The following SYTL2 variants were observed in gnomAD, a reference collection of about 807,000 sequenced individuals.
SYTL2 encodes synaptotagmin like 2, also known as synaptotagmin-like protein 2.
Under a neutral mutation model 198.7 loss-of-function variants are expected in SYTL2, and 165 were observed. That is an observed-to-expected ratio of 0.83 (90% CI 0.73 to 0.94). The LOEUF is 0.94. Ranked by LOEUF, SYTL2 falls within the 40% of genes least tolerant of loss-of-function variation. The pLI is 0.00. For synonymous variants in SYTL2, 966 were observed against 917.7 expected, an observed-to-expected ratio of 1.05 and a Z score of -0.95; for missense variants, 2,835 against 2,582.8, an observed-to-expected ratio of 1.10 and a Z score of -2.12.
chr11:85,835,452 C>T, the SYTL2 span, among the ~76,000 whole-genome samples: 1 of 152,266 alleles, frequency 6.6e-6, no homozygotes, highest in African/African-American at 2.4e-5. Context: ...AGGTAGTATA[C>T]TATGATTATT....
chr11:85,843,558 G>C, the SYTL2 span, among the ~76,000 whole-genome samples: 1 of 152,034 alleles, frequency 6.6e-6, no homozygotes, highest in Non-Finnish European at 1.5e-5. Flanking sequence ...CTGATGCTGA[G>C]TGTGTGTGTG....
At chr11:85,840,211 G>C in the SYTL2 span, among the ~76,000 whole-genome samples, 2 of 152,056 alleles carry the variant, frequency 1.3e-5, no homozygotes, top group African/African-American at 4.8e-5. Context: ...TGGGTAGTTT[G>C]CAAATATCTT....
intron 1 of SYTL2, among the ~76,000 whole-genome samples, chr11:85,767,328 T>G (rs1372621766): frequency 6.6e-6 from 1 of 152,194 alleles, no homozygotes; most frequent in African/African-American, 2.4e-5. Context: ...AAATAAGGAT[T>G]TGCAAACTGG....
chr11:85,813,795 G>A (rs763189285), upstream of SYTL2, among the ~76,000 whole-genome samples: 5 of 145,294 alleles, frequency 3.4e-5, no homozygotes, highest in Non-Finnish European at 7.5e-5. Flanking sequence ...CAAACACAGC[G>A]CACTGCAGCC....
intron 16 of SYTL2, among the ~76,000 whole-genome samples, chr11:85,703,132 C>T (rs2084600507): frequency 6.6e-6 from 1 of 152,000 alleles, no homozygotes; most frequent in South Asian, 2.1e-4. Context: ...CCATAAGAGA[C>T]ATGTTGGACA....
the SYTL2 span, among the ~76,000 whole-genome samples, chr11:85,816,495 G>A: frequency 6.6e-6 from 1 of 152,202 alleles, no homozygotes; most frequent in South Asian, 2.1e-4. Context: ...AGGTAATAGG[G>A]AGTTACTGTT....
chr11:85,740,319 T>C (rs1367687228), intron 4 of SYTL2, among the ~76,000 whole-genome samples: 1 of 152,180 alleles, frequency 6.6e-6, no homozygotes, highest in Non-Finnish European at 1.5e-5. Flanking sequence ...GTAAGTGTTC[T>C]TTTTGCTTTC....
At chr11:85,841,325 T>C in the SYTL2 span, among the ~76,000 whole-genome samples, 1 of 152,320 alleles carries the variant, frequency 6.6e-6, no homozygotes, top group Non-Finnish European at 1.5e-5. Context: ...ACTGGGTATA[T>C]ACTCAAAGGA....
chr11:85,775,805 G>A (rs2092442084), intron 1 of SYTL2, among the ~76,000 whole-genome samples: 3 of 152,106 alleles, frequency 2.0e-5, no homozygotes, highest in South Asian at 4.1e-4. Context: ...TATGAAAACT[G>A]AGGTTCAGCA....
chr11:85,718,718 G>A (rs963123433), intron 10 of SYTL2, 72 bp downstream of exon 10: 17 of 1,413,960 alleles, frequency 1.2e-5, no homozygotes, highest in Non-Finnish European at 1.6e-5. Context: ...CAACAGCTGC[G>A]TCCCGGAGAC....
intron 5 of SYTL2, 123 bp from the exon 6 acceptor site, chr11:85,736,738 T>C (rs2090371356): frequency 3.1e-6 from 2 of 641,444 alleles, no homozygotes; most frequent in Admixed American, 3.1e-5. Flanking sequence ...TTTGGCATGT[T>C]TGAAAAACAG....
chr11:85,727,499 T>C lies in SYTL2; in HGVS notation c.1859A>G (p.Gln620Arg). The C allele has an allele frequency of 6.5e-7, 1 of 1,536,072 alleles. No homozygotes were observed. The highest frequency in any genetic ancestry group is 8.7e-7 in the Non-Finnish European group (1 of 1,146,876). Residue 620 changes from glutamine (Q) to arginine (R), a missense_variant, in exon 8 of 20, where the codon CAA (glutamine) becomes CGA (arginine). Physicochemically the swap from Gln to Arg is conservative, Grantham distance 43 (BLOSUM62 1). Around this residue, in one of 3 missense-constraint regions of SYTL2, gnomAD observed 2,645 missense variants for 2,381.7 expected, o/e 1.11. Transcript: ENST00000359152. ...TGGGCCTTCCTTTGGGGTGCCTTTTTGGGACAAATTCATGAATTTGGATTT... is the reference window on the plus strand; with the variant it reads ...TGGGCCTTCCTTTGGGGTGCCTTTTCGGGACAAATTCATGAATTTGGATTT... Reference protein sequence around the residue: ...NIKSKFMNLSQKGTPKEGPGI... With the variant: ...NIKSKFMNLSRKGTPKEGPGI...
At chr11:85,723,219 G>A (rs562663990) in intron 8 of SYTL2, among the ~76,000 whole-genome samples, 6 of 152,236 alleles carry the variant, frequency 3.9e-5, no homozygotes, top group East Asian at 1.9e-4. Context: ...ACGCCCCCAC[G>A]TTCATGTAGA....
At chr11:85,744,692 C>T (rs1333281144) in intron 4 of SYTL2, among the ~76,000 whole-genome samples, 3 of 152,172 alleles carry the variant, frequency 2.0e-5, no homozygotes, top group Non-Finnish European at 4.4e-5. Context: ...GCCTTAGACC[C>T]TGATTCAGTG....
At chr11:85,759,564 G>A (rs1007298179) in intron 1 of SYTL2, among the ~76,000 whole-genome samples, 1 of 152,084 alleles carries the variant, frequency 6.6e-6, no homozygotes, top group East Asian at 1.9e-4. Flanking sequence ...TCTAGCTTCC[G>A]CTCTGAGTTC....
intron 4 of SYTL2, among the ~76,000 whole-genome samples, chr11:85,745,023 T>C (rs1271483397): frequency 6.6e-6 from 1 of 152,200 alleles, no homozygotes; most frequent in Non-Finnish European, 1.5e-5. Flanking sequence ...AGATAATCTA[T>C]ATCCTTAAGA....
Position 85,724,027 on chromosome 11 carries a change from C to T in SYTL2, c.5326+5G>A. ...ACTGTGAGTTAAAAAATTTTAAATG[C>T]TCACTGGAAGGATTTCTCCAGCTCT... On this transcript the variant is annotated splice_donor_5th_base_variant and intron_variant, in intron 8 of 19. Coordinates refer to ENST00000359152, the MANE Select transcript of SYTL2 (RefSeq NM_206927.4). The T allele has an allele frequency of 7.0e-7, 1 of 1,428,974 alleles. No individual in the cohort carries two copies. The highest frequency in any genetic ancestry group is 9.2e-7 in the Non-Finnish European group (1 of 1,088,566). The allele number at this position is 1,428,974 out of a possible 1,614,324, so 88.5% of individuals were successfully genotyped here.
upstream of SYTL2, among the ~76,000 whole-genome samples, chr11:85,812,645 G>A (rs7103790): frequency 0.39 from 59,001 of 152,084 alleles, 12,656 homozygotes; most frequent in African/African-American, 0.57. Context: ...TACAAATTAG[G>A]TCAGATTGAA....
chr11:85,739,732 G>A (rs749361129), intron 4 of SYTL2, among the ~76,000 whole-genome samples: 18 of 152,014 alleles, frequency 1.2e-4, no homozygotes, highest in Non-Finnish European at 2.2e-4. Context: ...AAAAAACTGA[G>A]GTTCACAGAG....
Sources: gnomAD v4.1 joint callset for allele counts (sites outside exome capture counted in the v4.1 genomes callset) on GRCh38, gnomAD v4.1.1 for gene constraint, gnomAD v4.1.1 regional missense constraint, MANE v1.5 for transcripts, NCBI Gene and HGNC (gene_info 2026-07-23, HGNC 2026-07-21) for gene names.